DNAH7: variants seen among roughly 807,000 people sequenced by gnomAD.
DNAH7 encodes the protein dynein axonemal heavy chain 7, also known as axonemal beta dynein heavy chain 7.
In DNAH7, 397 loss-of-function variants were observed where a neutral mutation model predicts 444.6. The ratio of observed to expected loss-of-function variants is 0.89; its 90% confidence interval spans 0.82 to 0.97. The LOEUF (loss-of-function observed/expected upper bound fraction) is 0.97, where lower values mean the gene tolerates loss of function less well. Ranked by LOEUF, DNAH7 falls within the 50% of genes least tolerant of loss-of-function variation. The pLI, the probability that DNAH7 is intolerant of heterozygous loss-of-function variation, is 0.00. For synonymous variants in DNAH7, 1,636 were observed against 1,624.4 expected (o/e 1.01, Z -0.17); for missense variants, 4,902 against 4,800.8 (o/e 1.02, Z -0.62).
intron 51 of DNAH7, among the ~76,000 whole-genome samples, chr2:195,810,346 T>C (rs962575066): frequency 1.3e-5 from 2 of 152,178 alleles, no homozygotes; most frequent in African/African-American, 2.4e-5. Context: ...CTTGGCAAAC[T>C]CCATTTTTAT....
chr2:195,941,203 G>A (rs1012293075), intron 19 of DNAH7, among the ~76,000 whole-genome samples: 10 of 152,090 alleles, frequency 6.6e-5, no homozygotes, highest in African/African-American at 2.4e-4. Context: ...TTTAAAAAAT[G>A]AGTTCATGTC....
chr2:195,976,436 T>C (rs572557996), intron 15 of DNAH7, among the ~76,000 whole-genome samples: 129 of 152,126 alleles, frequency 8.5e-4, no homozygotes, highest in African/African-American at 2.9e-3. Context: ...ATTCCTAAGG[T>C]TTCCTACTCC....
At chr2:196,065,779 T>C (rs1304280514) in intron 1 of DNAH7, among the ~76,000 whole-genome samples, 2 of 152,232 alleles carry the variant, frequency 1.3e-5, no homozygotes, top group African/African-American at 4.8e-5. Flanking sequence ...CAATGACCCA[T>C]CAGGCCTAGC....
intron 5 of DNAH7, among the ~76,000 whole-genome samples, chr2:196,042,676 A>G (rs1696843490): frequency 6.6e-6 from 1 of 152,146 alleles, no homozygotes; most frequent in Non-Finnish European, 1.5e-5. Context: ...GAATGGCTAC[A>G]GTGTCAAAAC....
At chr2:195,744,258 T>C (rs1371084166) in intron 63 of DNAH7, among the ~76,000 whole-genome samples, 3 of 152,198 alleles carry the variant, frequency 2.0e-5, no homozygotes, top group Non-Finnish European at 2.9e-5. Context: ...GTCTCGCTGA[T>C]TGCTAGCACA....
intron 36 of DNAH7, among the ~76,000 whole-genome samples, chr2:195,880,811 A>C (rs1701331889): frequency 6.6e-6 from 1 of 152,154 alleles, no homozygotes; most frequent in South Asian, 2.1e-4. Flanking sequence ...GTAAGTTCCT[A>C]AGTTTGTGAA....
intron 49 of DNAH7, among the ~76,000 whole-genome samples, chr2:195,822,648 T>C (rs1312074043): frequency 1.3e-5 from 2 of 152,168 alleles, no homozygotes; most frequent in Non-Finnish European, 2.9e-5. Flanking sequence ...ACTCTAGGGA[T>C]CTTAAGGGTT....
intron 25 of DNAH7, 64 bp downstream of exon 25, chr2:195,909,963 G>C (rs1687257501): frequency 6.3e-6 from 9 of 1,435,866 alleles, no homozygotes; most frequent in Non-Finnish European, 8.5e-6. Flanking sequence ...CAATTATGTT[G>C]CATCATAAAT....
intron 24 of DNAH7, among the ~76,000 whole-genome samples, chr2:195,912,484 G>C (rs1019809911): frequency 2.0e-5 from 3 of 152,160 alleles, no homozygotes. Context: ...CACTGAATGG[G>C]ACCCTATGCA....
chr2:195,976,780 A>AGAGAGAGAGAGAGAGAGAGAGG (rs1559295046), intron 15 of DNAH7, among the ~76,000 whole-genome samples: 7 of 149,018 alleles, frequency 4.7e-5, no homozygotes, highest in African/African-American at 1.5e-4. Flanking sequence ...AGAGAGAGAG[A>AGAGAGAGAGAGAGAGAGAGAGG]GAGAGAGACT....
intron 19 of DNAH7, among the ~76,000 whole-genome samples, chr2:195,947,053 G>A (rs1461663666): frequency 2.7e-5 from 4 of 149,658 alleles, no homozygotes; most frequent in Non-Finnish European, 5.9e-5. Context: ...TACACCTCAA[G>A]GAAACCAAGA....
chr2:196,016,278 T>C (rs893887307), intron 9 of DNAH7, among the ~76,000 whole-genome samples: 2 of 152,236 alleles, frequency 1.3e-5, no homozygotes, highest in South Asian at 4.1e-4. Context: ...GAAAATGAAA[T>C]GTACTAATTT....
At position 195,799,245 on chromosome 2, in the gene DNAH7, A is replaced by C. The variant is rs186817523; in HGVS notation, c.10353+51T>G. The C allele has an allele frequency of 5.0e-6, 7 of 1,391,348 alleles. No individual in the cohort carries two copies. The East Asian group carries it at 1.6e-4, about 32-fold the overall frequency. The allele number at this position is 1,391,348 out of a possible 1,614,324, so 86.2% of individuals were successfully genotyped here. ...ATCCTTAAAATTTCAATTATAAGCAAGTATTGCTTTTTTAAAATAATATCC... is the reference window on the plus strand; with the variant it reads ...ATCCTTAAAATTTCAATTATAAGCACGTATTGCTTTTTTAAAATAATATCC... On this transcript the variant is annotated intron_variant, in intron 55 of 64. Coordinates refer to ENST00000312428, the MANE Select transcript of DNAH7 (RefSeq NM_018897.3).
In DNAH7 at chr2:195,775,979, T is replaced by C. The variant is rs2105948464; in HGVS notation, c.11069A>G (p.Lys3690Arg). The change falls in exon 60 of 65, where the codon AAA (lysine) becomes AGA (arginine). Residue 3690 changes from lysine (K) to arginine (R), a missense_variant. By Grantham distance (26) the Lys-to-Arg change is conservative. Transcript: ENST00000312428. Reference protein sequence around the residue: ...IYFVPPSGDHKSYIEYTKTLP... With the variant: ...IYFVPPSGDHRSYIEYTKTLP... ...AGTCTTTGTGTATTCGATGTAGCTT[T>C]TGTGCTGCAGAGATGAATAACAAGA... The C allele has an allele frequency of 1.2e-6, 2 of 1,613,914 alleles. No individual in the cohort carries two copies. Among genetic ancestry groups the C allele is most frequent in the East Asian group, 2.2e-5 (1 of 44,878 alleles).
intron 10 of DNAH7, among the ~76,000 whole-genome samples, chr2:196,009,060 AAC>A (rs1429182911): frequency 1.3e-5 from 2 of 152,152 alleles, no homozygotes; most frequent in Admixed American, 1.3e-4. Context: ...ACTTTTAAAC[AAC>A]CAGATCTTGT....
intron 48 of DNAH7, among the ~76,000 whole-genome samples, chr2:195,831,782 T>C (rs961291401): frequency 2.6e-5 from 4 of 152,204 alleles, no homozygotes; most frequent in Non-Finnish European, 4.4e-5. Context: ...GCACTCCTCT[T>C]AACTGGCTTA....
At chr2:196,029,849 A>G (rs1695930620) in intron 5 of DNAH7, among the ~76,000 whole-genome samples, 1 of 150,720 alleles carries the variant, frequency 6.6e-6, no homozygotes, top group African/African-American at 2.5e-5. Flanking sequence ...AAAAATGAAA[A>G]GAACTATATT....
At chr2:196,053,536 A>AG (rs1346491332) in intron 2 of DNAH7, among the ~76,000 whole-genome samples, 2 of 152,246 alleles carry the variant, frequency 1.3e-5, no homozygotes, top group Admixed American at 1.3e-4. Flanking sequence ...CATGAGAAGC[A>AG]GGGGACTAGA....
chr2:195,971,472 G>C (rs1018869037), intron 16 of DNAH7, among the ~76,000 whole-genome samples: 1 of 152,130 alleles, frequency 6.6e-6, no homozygotes, highest in Non-Finnish European at 1.5e-5. Flanking sequence ...TCAGATAATT[G>C]TCCGATAGAG....
Sources: gnomAD v4.1 joint callset for allele counts (sites outside exome capture counted in the v4.1 genomes callset) on GRCh38, gnomAD v4.1.1 for gene constraint, MANE v1.5 for transcripts, NCBI Gene and HGNC (gene_info 2026-07-23, HGNC 2026-07-21) for gene names.